Variants in HIF1A observed in about 807,000 individuals in gnomAD.
The protein encoded by HIF1A is hypoxia inducible factor 1 subunit alpha, also known as hypoxia-inducible factor 1-alpha.
In HIF1A, 24 loss-of-function variants were observed where a neutral mutation model predicts 92.7. That is an observed-to-expected ratio of 0.26 (90% confidence interval 0.19 to 0.36). The LOEUF (loss-of-function observed/expected upper bound fraction) is 0.36, where lower values mean the gene tolerates loss of function less well. HIF1A is among the 10% of genes least tolerant of loss of function. The pLI is 1.00. For missense variants in HIF1A, 799 were observed against 998.5 expected (o/e 0.80, Z 2.69); for synonymous variants, 319 against 338.7 (o/e 0.94, Z 0.64).
chr14:61,707,142 G>T (rs1016601664), intron 1 of HIF1A, among the ~76,000 whole-genome samples: 1 of 152,190 alleles, frequency 6.6e-6, no homozygotes, highest in South Asian at 2.1e-4. Context: ...TGAAGAACAC[G>T]TTAAGTATCT....
chr14:61,699,758 A>G (rs908975156), intron 1 of HIF1A, among the ~76,000 whole-genome samples: 1 of 152,106 alleles, frequency 6.6e-6, no homozygotes, highest in Non-Finnish European at 1.5e-5. Flanking sequence ...GATTTTACCC[A>G]GTGTGTGTAT....
chr14:61,740,411 T>C, intron 10 of HIF1A, 94 bp from the exon 11 acceptor site: 1 of 902,782 alleles, frequency 1.1e-6, no homozygotes, highest in Non-Finnish European at 1.7e-6. Flanking sequence ...TTGTGTGTTT[T>C]CTGGTTTTTC....
At position 61,726,238 on chromosome 14, in the gene HIF1A, C is replaced by T. The variant is rs139962014; in HGVS notation, c.458-468C>T. On this transcript the variant is annotated intron_variant, in intron 4 of 14. Coordinates refer to ENST00000337138, the MANE Select transcript of HIF1A (RefSeq NM_001530.4). Reference sequence around the variant, plus strand: ...AAATTAAGGGGAAAAAAATAAGATACGTAAAAATGTTATTTGTTATTAAAA... The same window carrying T: ...AAATTAAGGGGAAAAAAATAAGATATGTAAAAATGTTATTTGTTATTAAAA... Among the ~76,000 whole-genome samples, 491 of 151,668 alleles carry T rather than the reference C, an allele frequency of 3.2e-3. 5 individuals carry two copies. The highest frequency in any genetic ancestry group is 0.011 in the African/African-American group (458 of 41,288).
intron 1 of HIF1A, among the ~76,000 whole-genome samples, chr14:61,717,704 G>T (rs2044379127): frequency 1.3e-5 from 2 of 152,114 alleles, no homozygotes; most frequent in Admixed American, 1.3e-4. Context: ...AGGAACTGGA[G>T]ACATTCCATC....
intron 1 of HIF1A, chr14:61,698,835 A>G (rs888292503): frequency 1.3e-5 from 2 of 152,182 alleles, no homozygotes; most frequent in African/African-American, 2.4e-5. Flanking sequence ...TTTTCTCCCC[A>G]AATAGAATAC....
intron 1 of HIF1A, among the ~76,000 whole-genome samples, chr14:61,700,614 C>T (rs2044166730): frequency 6.6e-6 from 1 of 152,188 alleles, no homozygotes; most frequent in Non-Finnish European, 1.5e-5. Context: ...GTCTGCAAAT[C>T]TCTCTTTGAA....
At chr14:61,709,083 G>C (rs12881961) in intron 1 of HIF1A, among the ~76,000 whole-genome samples, 109,920 of 151,898 alleles carry the variant, frequency 0.72, 45,910 homozygotes, top group Non-Finnish European at 0.92. Flanking sequence ...TTTTAGTAGA[G>C]ACGGGGTTTC....
chr14:61,739,697 G>A (rs986678622), intron 10 of HIF1A, among the ~76,000 whole-genome samples: 2 of 152,106 alleles, frequency 1.3e-5, no homozygotes, highest in Non-Finnish European at 1.5e-5. Flanking sequence ...ATAGTTTTTT[G>A]TTAAACTTCT....
rs1334800559 is a variant in HIF1A, at chr14:61,720,385, A to G, written c.39A>G (p.Ile13Met). 6.2e-7 allele frequency: 1 copy of G among 1,606,910 alleles called. No individual in the cohort carries two copies. Among genetic ancestry groups the G allele is most frequent in the South Asian group, 1.1e-5 (1 of 89,844 alleles). ...TTTTCTTGTTGTTGTTAAGTAGGATAAGTTCTGAACGTCGAAAAGAAAAGT... is the reference window on the plus strand; with the variant it reads ...TTTTCTTGTTGTTGTTAAGTAGGATGAGTTCTGAACGTCGAAAAGAAAAGT... ...GAGGANDKKK[I>M]SSERRKEKSR... Residue 13 changes from isoleucine (I) to methionine (M), a missense_variant, in exon 2 of 15, where the codon ATA (isoleucine) becomes ATG (methionine). Coordinates refer to ENST00000337138, the MANE Select transcript of HIF1A (RefSeq NM_001530.4).
chr14:61,727,536 C>A lies in HIF1A; in HGVS notation c.654C>A (p.Thr218=), dbSNP rs2044521770. 1.3e-5 allele frequency: 21 copies of A among 1,613,526 alleles called. No individual in the cohort carries two copies. The highest frequency in any genetic ancestry group is 1.8e-5 in the Non-Finnish European group (21 of 1,179,530). Residue 218 remains threonine (T), a synonymous_variant, in exon 6 of 15, where the codon ACC becomes ACA. Transcript: ENST00000337138. ...PQCGYKKPPM[T]CLVLICEPIP... ...GTGGGTATAAGAAACCACCTATGAC[C>A]TGCTTGGTGCTGATTTGTGAACCCA...
chr14:61,722,232 G>A (rs975505819), intron 4 of HIF1A, among the ~76,000 whole-genome samples: 12 of 151,992 alleles, frequency 7.9e-5, no homozygotes, highest in East Asian at 1.9e-4. Flanking sequence ...CCACAGACGC[G>A]TGCTACCATG....
Position 61,708,735 on chromosome 14 carries a change from T to C in HIF1A, c.36-11647T>C, listed in dbSNP as rs148164196. On this transcript the variant is annotated intron_variant, in intron 1 of 14. Transcript: ENST00000337138. ...TGTAGTATAGTTTGAAGTCAGGTAG[T>C]GTGATGCCTCCAGCTTTGTTCTTTT... Among the ~76,000 whole-genome samples the C allele has an allele frequency of 1.5e-3, 222 of 152,270 alleles. 2 individuals are homozygous for C. Among genetic ancestry groups the C allele is most frequent in the African/African-American group, 5.1e-3 (214 of 41,562 alleles).
chr14:61,695,553 C>G lies in HIF1A; in HGVS notation c.-252C>G. 1 of 577,338 alleles carries G rather than the reference C, an allele frequency of 1.7e-6. No individual in the cohort carries two copies. The highest frequency in any genetic ancestry group is 3.2e-5 in the Admixed American group (1 of 31,468). 35.8% of individuals were successfully genotyped at this position (577,338 alleles called of 1,614,324 possible). ...CTCGTCTGAGGGGACAGGAGGATCACCCTCTTCGTCGCTTCGGCCAGTGTG... is the reference window on the plus strand; with the variant it reads ...CTCGTCTGAGGGGACAGGAGGATCAGCCTCTTCGTCGCTTCGGCCAGTGTG... On this transcript the variant is annotated 5_prime_UTR_variant, in exon 1 of 15. Transcript: ENST00000337138.
intron 4 of HIF1A, 90 bp downstream of exon 4, chr14:61,721,913 T>TA (rs1485756561): frequency 1.2e-6 from 1 of 810,670 alleles, no homozygotes; most frequent in Non-Finnish European, 2.0e-6. Context: ...CTATTGTACT[T>TA]ACCCAAGGCA....
chr14:61,702,150 C>G (rs1428138723), intron 1 of HIF1A, among the ~76,000 whole-genome samples: 4 of 150,116 alleles, frequency 2.7e-5, no homozygotes, highest in Non-Finnish European at 5.9e-5. Context: ...ATTGTCGGCC[C>G]GGCACGGTGG....
intron 1 of HIF1A, among the ~76,000 whole-genome samples, chr14:61,702,211 T>C (rs945803839): frequency 6.8e-6 from 1 of 147,254 alleles, no homozygotes; most frequent in African/African-American, 2.5e-5. Flanking sequence ...GTGAATCACC[T>C]GAGGTCAGGA....
Position 61,740,571 on chromosome 14 carries a change from T to C in HIF1A, c.1603T>C (p.Leu535=), listed in dbSNP as rs1302689408. ...TATGGTCAATGAATTCAAGTTGGAATTGGTAGAAAAACTTTTTGCTGAAGA... is the reference window on the plus strand; with the variant it reads ...TATGGTCAATGAATTCAAGTTGGAACTGGTAGAAAAACTTTTTGCTGAAGA... ...SDMVNEFKLE[L]VEKLFAEDTE... Residue 535 remains leucine, a synonymous_variant, in exon 11 of 15, where the codon TTG becomes CTG. Coordinates refer to ENST00000337138, the MANE Select transcript of HIF1A (RefSeq NM_001530.4). The C allele has an allele frequency of 1.2e-6, 2 of 1,608,950 alleles. No homozygotes were observed. The highest frequency in any genetic ancestry group is 1.3e-5 in the African/African-American group (1 of 74,886).
intron 1 of HIF1A, among the ~76,000 whole-genome samples, chr14:61,702,859 G>A (rs1010505341): frequency 3.9e-5 from 6 of 152,188 alleles, no homozygotes; most frequent in African/African-American, 1.4e-4. Context: ...GTTAATAACT[G>A]TAGGATTAGG....
chr14:61,738,695 G>A (rs748149629), intron 10 of HIF1A, among the ~76,000 whole-genome samples: 7 of 152,150 alleles, frequency 4.6e-5, no homozygotes, highest in Non-Finnish European at 7.4e-5. Context: ...ATAGTACTAA[G>A]TGTGCTCAAG....
Sources: allele counts gnomAD v4.1 joint callset (sites outside exome capture counted in the v4.1 genomes callset), GRCh38; gene constraint gnomAD v4.1.1; transcripts MANE v1.5; gene names NCBI Gene and HGNC (gene_info 2026-07-23, HGNC 2026-07-21).